The following SGCZ variants were observed in gnomAD, a reference collection of about 807,000 sequenced individuals.
The protein encoded by SGCZ is sarcoglycan zeta.
In SGCZ, 40 loss-of-function variants were observed where a neutral mutation model predicts 41.3. The observed-to-expected ratio is 0.97, with a 90% CI of 0.75 to 1.26. SGCZ has a LOEUF of 1.26. SGCZ is among the 50% of genes most tolerant of loss of function. The pLI is 0.00. For missense variants in SGCZ, 552 were observed against 369.8 expected (o/e 1.49, Z -4.04); for synonymous variants, 206 against 137.5 (o/e 1.50, Z -3.49).
chr8:14,452,041 C>T (rs1192148523), intron 2 of SGCZ, among the ~76,000 whole-genome samples: 2 of 152,176 alleles, frequency 1.3e-5, no homozygotes, highest in African/African-American at 4.8e-5. Flanking sequence ...ATACTTATAA[C>T]AGCTTTATTC....
chr8:15,020,827 A>C (rs534996706), intron 1 of SGCZ, among the ~76,000 whole-genome samples: 21 of 152,340 alleles, frequency 1.4e-4, no homozygotes, highest in African/African-American at 4.8e-4. Context: ...TATAAACATA[A>C]GCCTTTCTTC....
chr8:14,465,734 T>C (rs1192037652), intron 2 of SGCZ, among the ~76,000 whole-genome samples: 1 of 151,820 alleles, frequency 6.6e-6, no homozygotes, highest in East Asian at 1.9e-4. Context: ...AATTTGAATT[T>C]ATATCAGCTT....
intron 1 of SGCZ, among the ~76,000 whole-genome samples, chr8:14,794,786 G>A (rs1167180365): frequency 6.6e-6 from 1 of 152,108 alleles, no homozygotes; most frequent in Non-Finnish European, 1.5e-5. Context: ...GTACCATAGA[G>A]GGACAAATCT....
chr8:14,381,475 A>G (rs1390733768), intron 2 of SGCZ, among the ~76,000 whole-genome samples: 1 of 152,048 alleles, frequency 6.6e-6, no homozygotes, highest in Non-Finnish European at 1.5e-5. Flanking sequence ...CTTCCAAAAC[A>G]TATTAAAGCC....
intron 1 of SGCZ, among the ~76,000 whole-genome samples, chr8:14,833,766 G>A (rs1226205393): frequency 6.6e-6 from 1 of 151,980 alleles, no homozygotes. Flanking sequence ...AAAGAAGAAA[G>A]AGGAGTCTTT....
intron 1 of SGCZ, among the ~76,000 whole-genome samples, chr8:15,034,782 A>G (rs904397398): frequency 1.8e-5 from 2 of 112,334 alleles, no homozygotes; most frequent in African/African-American, 2.8e-5. Flanking sequence ...CAGTAACTTT[A>G]CAGACAAGAG....
In SGCZ at chr8:14,567,147, C is replaced by G. The variant is rs534525525; in HGVS notation, c.40-12221G>C. Among the ~76,000 whole-genome samples the G allele has an allele frequency of 5.3e-5, 8 of 152,318 alleles. No individual in the cohort carries two copies. In the East Asian group the frequency reaches 1.2e-3, roughly 22 times the overall value. On this transcript the variant is annotated intron_variant, in intron 1 of 7. Coordinates refer to ENST00000382080, the MANE Select transcript of SGCZ (RefSeq NM_139167.4). ...TCTTCCCCATGGGCTCTGGTGGCGT[C>G]GGAGCCCCCCCAGGGAGTCGCCCCC...
At chr8:14,217,278 A>C (rs1382286403) in intron 4 of SGCZ, among the ~76,000 whole-genome samples, 1 of 121,862 alleles carries the variant, frequency 8.2e-6, no homozygotes, top group South Asian at 3.0e-4. Context: ...CCTGGGGATC[A>C]GAGTGAGACT....
chr8:14,321,633 C>T (rs1801921532), intron 3 of SGCZ, among the ~76,000 whole-genome samples: 2 of 152,110 alleles, frequency 1.3e-5, no homozygotes, highest in Middle Eastern at 3.2e-3. Flanking sequence ...AGAGGTTAAA[C>T]ATACACAACC....
intron 2 of SGCZ, among the ~76,000 whole-genome samples, chr8:14,487,611 G>A (rs1444387209): frequency 6.6e-6 from 1 of 151,936 alleles, no homozygotes; most frequent in Non-Finnish European, 1.5e-5. Flanking sequence ...AATATTACTT[G>A]AGGATGGTTT....
chr8:14,645,924 T>G (rs1474501729), intron 1 of SGCZ, among the ~76,000 whole-genome samples: 1 of 144,262 alleles, frequency 6.9e-6, no homozygotes, highest in Non-Finnish European at 1.5e-5. Context: ...ATTACCTTGC[T>G]TTCTTCAACC....
At chr8:14,900,314 G>T (rs1460884594) in intron 1 of SGCZ, among the ~76,000 whole-genome samples, 1 of 152,088 alleles carries the variant, frequency 6.6e-6, no homozygotes, top group Admixed American at 6.6e-5. Flanking sequence ...TTTTTCTAAT[G>T]AATGATGTGA....
chr8:14,211,470 A>T (rs1362747336), intron 4 of SGCZ, among the ~76,000 whole-genome samples: 1 of 152,182 alleles, frequency 6.6e-6, no homozygotes, highest in Non-Finnish European at 1.5e-5. Flanking sequence ...CCTAAAGGTT[A>T]TCAATCAGTT....
intron 2 of SGCZ, among the ~76,000 whole-genome samples, chr8:14,404,089 T>A (rs1028936304): frequency 6.6e-6 from 1 of 151,882 alleles, no homozygotes; most frequent in Non-Finnish European, 1.5e-5. Context: ...ATAGACAATA[T>A]GAGATTAGAG....
chr8:14,290,968 A>G (rs565024822), intron 3 of SGCZ, among the ~76,000 whole-genome samples: 1 of 152,138 alleles, frequency 6.6e-6, no homozygotes, highest in Non-Finnish European at 1.5e-5. Flanking sequence ...GAATGGATAA[A>G]GAAAGTATTG....
At chr8:14,242,424 C>A (rs1415880606) in intron 3 of SGCZ, among the ~76,000 whole-genome samples, 1 of 152,152 alleles carries the variant, frequency 6.6e-6, no homozygotes, top group Admixed American at 6.6e-5. Context: ...ACAGGGGACC[C>A]TGACCATTTG....
chr8:14,160,388 A>G (rs898574800), intron 5 of SGCZ, among the ~76,000 whole-genome samples: 2 of 152,122 alleles, frequency 1.3e-5, no homozygotes, highest in Admixed American at 6.6e-5. Flanking sequence ...TTCCGTGTGT[A>G]AAGGTTTATT....
chr8:15,112,314 A>T (rs1237255843), intron 1 of SGCZ, among the ~76,000 whole-genome samples: 2 of 152,210 alleles, frequency 1.3e-5, no homozygotes, highest in African/African-American at 4.8e-5. Context: ...TTTATCTTCA[A>T]GTCATTAATG....
intron 3 of SGCZ, among the ~76,000 whole-genome samples, chr8:14,252,292 T>C (rs914006148): frequency 2.6e-5 from 4 of 152,158 alleles, no homozygotes; most frequent in Non-Finnish European, 4.4e-5. Context: ...TTTATGAATA[T>C]ATTTTTGTCA....
Sources: allele counts gnomAD v4.1 joint callset (sites outside exome capture counted in the v4.1 genomes callset), GRCh38; gene constraint gnomAD v4.1.1; transcripts MANE v1.5; gene names NCBI Gene and HGNC (gene_info 2026-07-23, HGNC 2026-07-21).